KLF3: variants seen among roughly 807,000 people sequenced by gnomAD.
The protein encoded by KLF3 is KLF transcription factor 3.
Under a neutral mutation model 32.7 loss-of-function variants are expected in KLF3, and 6 were observed. That is an observed-to-expected ratio of 0.18 (90% CI 0.10 to 0.36). The LOEUF is 0.36. Ranked by LOEUF, KLF3 falls within the 10% of genes least tolerant of loss-of-function variation. The probability of loss-of-function intolerance (pLI) is 1.00; values close to 1 mark genes in which losing one functional copy is unlikely to be tolerated. For missense variants in KLF3, 338 were observed against 449.7 expected (o/e 0.75, Z 2.25); for synonymous variants, 145 against 172.8 (o/e 0.84, Z 1.26).
rs1052586158 is a variant in KLF3, at chr4:38,699,404, A to C, written c.*2141A>C. 1 of 152,300 alleles carries C rather than the reference A, an allele frequency of 6.6e-6. No individual in the cohort carries two copies. The allele number at this position is 152,300 out of a possible 1,614,324, so 9.4% of individuals were successfully genotyped here. A position where few individuals can be genotyped will look rare whatever the true frequency, so the allele number is the denominator to read the frequency against. ...CATGGCAAAGTGTTCATTTCTTGAG[A>C]TGGTTCTTTCACAACACACAAGAAT... On this transcript the variant is annotated 3_prime_UTR_variant, in exon 6 of 6. Coordinates refer to ENST00000261438, the MANE Select transcript of KLF3 (RefSeq NM_016531.6).
chr4:38,697,583 A>G lies in KLF3; in HGVS notation c.*320A>G. 1 of 240,408 alleles carries G rather than the reference A, an allele frequency of 4.2e-6. No individual in the cohort carries two copies. Among genetic ancestry groups the G allele is most frequent in the Non-Finnish European group, 8.0e-6 (1 of 124,656 alleles). 14.9% of individuals were successfully genotyped at this position (240,408 alleles called of 1,614,324 possible). Reference sequence around the variant, plus strand: ...ATGTAAACTAACATAACCAATTGTCAGTTCTCCATGTATTCCTCAAAAGAA... The same window carrying G: ...ATGTAAACTAACATAACCAATTGTCGGTTCTCCATGTATTCCTCAAAAGAA... On this transcript the variant is annotated 3_prime_UTR_variant, in exon 6 of 6. Transcript: ENST00000261438.
Position 38,674,324 on chromosome 4 carries a change from A to C in KLF3, c.-39-6263A>C, listed in dbSNP as rs1051769409. ...TGGGGGATTTTGAAGAATTTGGGTA[A>C]AGAAACGAAGAGAGAAAAGTTTCTC... On this transcript the variant is annotated intron_variant, in intron 1 of 5. Coordinates refer to ENST00000261438, the MANE Select transcript of KLF3 (RefSeq NM_016531.6). The surrounding 1 kb of genome is among the most constrained non-coding windows in gnomAD (Gnocchi z 4.1). Among the ~76,000 whole-genome samples the C allele has an allele frequency of 2.0e-5, 3 of 152,190 alleles. No homozygotes were observed. Among genetic ancestry groups the C allele is most frequent in the Admixed American group, 6.5e-5 (1 of 15,270 alleles).
In KLF3 at chr4:38,680,220, TG is replaced by T. The variant is rs1349366324; in HGVS notation, c.-39-366del. On this transcript the variant is annotated intron_variant, in intron 1 of 5. Coordinates refer to ENST00000261438, the MANE Select transcript of KLF3 (RefSeq NM_016531.6). ...TTTCATTTTATTATTTATTTATTTA[TG>T]TTTTTTTTTTGAGGTAGTGCCTCGC... is the stretch of plus-strand genomic sequence containing the variant. Among the ~76,000 whole-genome samples the T allele has an allele frequency of 5.9e-5, 9 of 151,974 alleles. No individual in the cohort carries two copies. In the South Asian group the frequency reaches 1.5e-3, roughly 25 times the overall value.
At chr4:38,680,083 G>A (rs1318859710) in intron 1 of KLF3, among the ~76,000 whole-genome samples, 1 of 152,144 alleles carries the variant, frequency 6.6e-6, no homozygotes, top group Non-Finnish European at 1.5e-5. Context: ...TATGACCATG[G>A]AGTCTGGTTT....
At chr4:38,667,134 G>A (rs1360468382) in intron 1 of KLF3, among the ~76,000 whole-genome samples, 2 of 152,140 alleles carry the variant, frequency 1.3e-5, no homozygotes, top group African/African-American at 2.4e-5. Flanking sequence ...ATTCACACCC[G>A]TAGAACAAAC....
chr4:38,688,659 G>A lies in KLF3; in HGVS notation c.132G>A (p.Glu44=). 1.9e-6 allele frequency: 3 copies of A among 1,614,194 alleles called. No homozygotes were observed. Among genetic ancestry groups the A allele is most frequent in the Non-Finnish European group, 2.5e-6 (3 of 1,180,028 alleles). ...YGVIYSTPLP[E]KFFQTPEGLS... is the part of the protein sequence containing the mutation. ...TCATCTACTCCACACCATTGCCTGA[G>A]AAGTTCTTTCAGACCCCAGAAGGTC... The change falls in exon 3 of 6, where the codon GAG becomes GAA. Residue 44 remains glutamate (E), a synonymous_variant. Coordinates refer to ENST00000261438, the MANE Select transcript of KLF3 (RefSeq NM_016531.6). This position sits in a 1 kb window ranked among gnomAD's most constrained non-coding sequence, Gnocchi z 4.9.
At chr4:38,684,959 A>G (rs1364919047) in intron 2 of KLF3, among the ~76,000 whole-genome samples, 1 of 152,210 alleles carries the variant, frequency 6.6e-6, no homozygotes, top group African/African-American at 2.4e-5. Flanking sequence ...GTTCCAGGAC[A>G]CAGGGTCTCT....
intron 2 of KLF3, among the ~76,000 whole-genome samples, chr4:38,684,987 A>C (rs1221114777): frequency 6.6e-6 from 1 of 152,214 alleles, no homozygotes; most frequent in Non-Finnish European, 1.5e-5. Context: ...AGCAGCATGC[A>C]CAGAGGGCAC....
At position 38,675,778 on chromosome 4, in the gene KLF3, G is replaced by A. The variant is rs116586471; in HGVS notation, c.-39-4809G>A. Among the ~76,000 whole-genome samples the A allele has an allele frequency of 3.4e-3, 512 of 152,268 alleles. 1 individual carries two copies. Among genetic ancestry groups the A allele is most frequent in the Middle Eastern group, 6.8e-3 (2 of 294 alleles). On this transcript the variant is annotated intron_variant, in intron 1 of 5. Coordinates refer to ENST00000261438, the MANE Select transcript of KLF3 (RefSeq NM_016531.6). ...TATGATAGATTTTCTAAGCATTTGTGGTTTACTTAGCATTCTTTCAGAATG... is the reference window on the plus strand; with the variant it reads ...TATGATAGATTTTCTAAGCATTTGTAGTTTACTTAGCATTCTTTCAGAATG...
chr4:38,675,393 C>T (rs989383246), intron 1 of KLF3, among the ~76,000 whole-genome samples: 1 of 151,676 alleles, frequency 6.6e-6, no homozygotes, highest in African/African-American at 2.4e-5. Context: ...TTGCCCTTCC[C>T]CCCCCTTTTG....
intron 1 of KLF3, among the ~76,000 whole-genome samples, chr4:38,678,499 A>G (rs1722417705): frequency 6.6e-6 from 1 of 152,228 alleles, no homozygotes; most frequent in Non-Finnish European, 1.5e-5. Context: ...AGATTACAAT[A>G]CACCCTGTGA....
At chr4:38,689,165 G>A (rs1722799041) in intron 3 of KLF3, 94 bp downstream of exon 3, 2 of 1,470,948 alleles carry the variant, frequency 1.4e-6, no homozygotes, top group Admixed American at 1.9e-5. Flanking sequence ...GGCAAGAGCT[G>A]TTGAACTCTT....
At position 38,680,219 on chromosome 4, in the gene KLF3, A is replaced by T. The variant is rs532027106; in HGVS notation, c.-39-368A>T. 8.0e-4 allele frequency among the ~76,000 whole-genome samples: 122 copies of T among 151,606 alleles called. 1 individual carries two copies. The highest frequency in any genetic ancestry group is 2.7e-3 in the African/African-American group (111 of 41,350). ...ATTTCATTTTATTATTTATTTATTT[A>T]TGTTTTTTTTTTGAGGTAGTGCCTC... On this transcript the variant is annotated intron_variant, in intron 1 of 5. Coordinates refer to ENST00000261438, the MANE Select transcript of KLF3 (RefSeq NM_016531.6).
chr4:38,690,178 A>G, intron 4 of KLF3: 1 of 344,322 alleles, frequency 2.9e-6, no homozygotes. Flanking sequence ...CTTCCAGGCT[A>G]TGTATACTTA....
At chr4:38,691,123 AATT>A (rs1722865020) in intron 4 of KLF3, among the ~76,000 whole-genome samples, 1 of 152,198 alleles carries the variant, frequency 6.6e-6, no homozygotes. Flanking sequence ...TTTTCAAAGG[AATT>A]ATTTTATTCC....
chr4:38,670,263 C>G (rs79829042), intron 1 of KLF3, among the ~76,000 whole-genome samples: 5,357 of 152,250 alleles, frequency 0.035, 266 homozygotes, highest in African/African-American at 0.11. Flanking sequence ...TGAGGCAGAC[C>G]CTTTGCAGGA....
At chr4:38,672,613 G>T (rs1423684364) in intron 1 of KLF3, among the ~76,000 whole-genome samples, 1 of 152,100 alleles carries the variant, frequency 6.6e-6, no homozygotes, top group Non-Finnish European at 1.5e-5. Context: ...CGGCATGAAG[G>T]GCACTTGTTG....
chr4:38,689,959 C>T (rs1429431644), intron 4 of KLF3, 80 bp downstream of exon 4: 11 of 1,412,208 alleles, frequency 7.8e-6, no homozygotes, highest in African/African-American at 1.4e-5. Flanking sequence ...AGATTTCACA[C>T]GTGTGATGTG....
rs1468443876 is a variant in KLF3, at chr4:38,688,107, G to T, written c.58-478G>T. Among the ~76,000 whole-genome samples the T allele has an allele frequency of 2.0e-5, 3 of 152,188 alleles. No homozygotes were observed. In the East Asian group the frequency reaches 5.8e-4, roughly 29 times the overall value. ...TGAAGACACTACTTATCCTGAGAAAGAGCTGTCCTGCCGAAGTTAGACATC... is the reference window on the plus strand; with the variant it reads ...TGAAGACACTACTTATCCTGAGAAATAGCTGTCCTGCCGAAGTTAGACATC... On this transcript the variant is annotated intron_variant, in intron 2 of 5. Coordinates refer to ENST00000261438, the MANE Select transcript of KLF3 (RefSeq NM_016531.6). This position sits in a 1 kb window ranked among gnomAD's most constrained non-coding sequence, Gnocchi z 4.9.
Sources: allele counts gnomAD v4.1 joint callset (sites outside exome capture counted in the v4.1 genomes callset), GRCh38; gene constraint gnomAD v4.1.1; non-coding constraint Gnocchi (gnomAD v3.1); transcripts MANE v1.5; gene names NCBI Gene and HGNC (gene_info 2026-07-23, HGNC 2026-07-21).